The following PRSS56 variants were observed in gnomAD, a reference collection of about 807,000 sequenced individuals.
The protein encoded by PRSS56 is serine protease 56.
PRSS56 carries 55 observed loss-of-function variants against 66.8 expected under a neutral mutation model. The observed-to-expected ratio is 0.82, with a 90% CI of 0.66 to 1.03. PRSS56 has a LOEUF of 1.03. Among genes scored for constraint, PRSS56 ranks in the 50% least tolerant of loss-of-function variants. PRSS56 has a pLI of 0.00. For synonymous variants in PRSS56, 409 were observed against 387.9 expected, an observed-to-expected ratio of 1.05 and a Z score of -0.64; for missense variants, 869 against 837.2, an observed-to-expected ratio of 1.04 and a Z score of -0.47.
In PRSS56 at chr2:232,525,479, T is replaced by C. The variant is rs1333093390; in HGVS notation, c.1785T>C (p.Pro595=). The change falls in exon 13 of 13, where the codon CCT becomes CCC. Residue 595 remains proline (P), a synonymous_variant. Coordinates refer to ENST00000617714, the MANE Select transcript of PRSS56 (RefSeq NM_001195129.2). ...LERKGHHPLN[P]QVPPARQP ...GGAAGGGGCACCACCCACTCAACCC[T>C]CAGGTACCCCCCGCCAGGCAACCCT... is the stretch of plus-strand genomic sequence containing the variant. 6.6e-7 allele frequency: 1 copy of C among 1,503,802 alleles called. No individual in the cohort carries two copies. Among genetic ancestry groups the C allele is most frequent in the East Asian group, 2.5e-5 (1 of 40,054 alleles). The allele number at this position is 1,503,802 out of a possible 1,614,324, so 93.2% of individuals were successfully genotyped here. A position where few individuals can be genotyped will look rare whatever the true frequency, so the allele number is the denominator to read the frequency against.
rs978649515 is a variant in PRSS56 at position 232,525,281 on chromosome 2, G to T, written c.1587G>T (p.Leu529Phe). 13 of 1,521,784 alleles carry T rather than the reference G, an allele frequency of 8.5e-6. No individual in the cohort carries two copies. The highest frequency in any genetic ancestry group is 1.1e-5 in the Non-Finnish European group (12 of 1,138,182). 94.3% of individuals were successfully genotyped at this position (1,521,784 alleles called of 1,614,324 possible). ...GLFRAWVRAG[L>F]GGRHVAFSGL... ...TCAGAGCCTGGGTGCGGGCAGGCTTGGGGGGCCGGCATGTGGCCTTCAGCG... is the reference window on the plus strand; with the variant it reads ...TCAGAGCCTGGGTGCGGGCAGGCTTTGGGGGCCGGCATGTGGCCTTCAGCG... The change falls in exon 13 of 13, where the codon TTG becomes TTT. Residue 529 changes from leucine (L) to phenylalanine (F), a missense_variant. Transcript: ENST00000617714.
chr2:232,523,809 G>T lies in PRSS56; in HGVS notation c.1050G>T (p.Leu350=). The T allele has an allele frequency of 6.5e-7, 1 of 1,533,828 alleles. No individual in the cohort carries two copies. Among genetic ancestry groups the T allele is most frequent in the South Asian group, 1.2e-5 (1 of 83,958 alleles). The change falls in exon 9 of 13, where the codon CTG becomes CTT. Residue 350 remains leucine (L), a synonymous_variant. Coordinates refer to ENST00000617714, the MANE Select transcript of PRSS56 (RefSeq NM_001195129.2). ...SSREPSCREL[L]AWDPPQELQA... is the part of the protein sequence containing the mutation. The stretch of plus-strand genomic sequence containing the variant: ...GCGAGCCCAGCTGCAGGGAGCTTCT[G>T]GCCTGGGACCCCCCCCAGGAGCTGC...
chr2:232,522,210 C>G, intron 4 of PRSS56, 50 bp downstream of exon 4: 1 of 1,375,502 alleles, frequency 7.3e-7, no homozygotes. Flanking sequence ...GGCGCTGGGC[C>G]CCGCACCTGC....
Position 232,525,404 on chromosome 2 carries a change from G to A in PRSS56, c.1710G>A (p.Gly570=), listed in dbSNP as rs1213799321. ...TCCGCGTGGCTGCCCTGGCAGAAGG[G>A]GAGCCCGAGGGACCCTGGATGGATG... The part of the protein sequence containing the change: ...QAFRVAALAE[G]EPEGPWMDVG... Residue 570 remains glycine, a synonymous_variant, in exon 13 of 13, where the codon GGG becomes GGA. Transcript: ENST00000617714. 1 of 1,534,112 alleles carries A rather than the reference G, an allele frequency of 6.5e-7. No individual in the cohort carries two copies. Among genetic ancestry groups the A allele is most frequent in the South Asian group, 1.2e-5 (1 of 83,970 alleles).
At chr2:232,521,706 C>A in intron 2 of PRSS56, 110 bp from the exon 3 acceptor site, 1 of 1,113,786 alleles carries the variant, frequency 9.0e-7, no homozygotes, top group Non-Finnish European at 1.3e-6. Flanking sequence ...CCCGTGTGGG[C>A]TGGAGGGCTG....
At chr2:232,521,050 CT>C (rs1691265359) in intron 1 of PRSS56, among the ~76,000 whole-genome samples, 2 of 152,236 alleles carry the variant, frequency 1.3e-5, no homozygotes, top group African/African-American at 4.8e-5. Flanking sequence ...ATGTCTGTAT[CT>C]TTGGGGTGGT....
At position 232,520,527 on chromosome 2, in the gene PRSS56, G is replaced by T; in HGVS notation, c.-72G>T. 1 of 1,287,810 alleles carries T rather than the reference G, an allele frequency of 7.8e-7. No individual in the cohort carries two copies. The highest frequency in any genetic ancestry group is 1.1e-6 in the Non-Finnish European group (1 of 920,538). The allele number at this position is 1,287,810 out of a possible 1,614,324, so 79.8% of individuals were successfully genotyped here. ...AAGGCAGCAGAAGGCGGGCACCAAA[G>T]GATAGGCACCCGGAAGGTGGACTCC... is the stretch of plus-strand genomic sequence containing the variant. On this transcript the variant is annotated 5_prime_UTR_variant, in exon 1 of 13. In the 5' UTR this introduces an upstream ATG that the reference lacks. Transcript: ENST00000617714.
rs1320492760 is a variant in PRSS56 at position 232,524,191 on chromosome 2, C to A, written c.1339C>A (p.Arg447=). Residue 447 remains arginine, a synonymous_variant, in exon 10 of 13, where the codon CGG becomes AGG. Coordinates refer to ENST00000617714, the MANE Select transcript of PRSS56 (RefSeq NM_001195129.2). ...ESPLHPAREL[R]LHSGSRAAGT... ...TCCTCTGCACCCCGCCCGGGAGCTG[C>A]GGCTTCACTCAGGTACCCCGCGCCC... 4 of 1,529,984 alleles carry A rather than the reference C, an allele frequency of 2.6e-6. No homozygotes were observed. Among genetic ancestry groups the A allele is most frequent in the East Asian group, 2.5e-5 (1 of 40,582 alleles). The allele number at this position is 1,529,984 out of a possible 1,614,324, so 94.8% of individuals were successfully genotyped here.
chr2:232,522,046 C>G lies in PRSS56; in HGVS notation c.332C>G (p.Ala111Gly). 6.7e-7 allele frequency: 1 copy of G among 1,487,348 alleles called. No individual in the cohort carries two copies. The highest frequency in any genetic ancestry group is 1.3e-5 in the South Asian group (1 of 76,910). The allele number at this position is 1,487,348 out of a possible 1,614,324, so 92.1% of individuals were successfully genotyped here. A position where few individuals can be genotyped will look rare whatever the true frequency, so the allele number is the denominator to read the frequency against. The part of the protein sequence containing the change: ...AHGRIVGGSA[A>G]PPGAWPWLVR... The stretch of plus-strand genomic sequence containing the variant: ...GGCCGCATCGTGGGGGGCAGCGCGG[C>G]GCCGCCCGGGGCCTGGCCCTGGCTG... Residue 111 changes from alanine (A) to glycine (G), a missense_variant, in exon 4 of 13, where the codon GCG becomes GGG. By Grantham distance (60) the Ala-to-Gly change is moderately conservative. Transcript: ENST00000617714.
Position 232,520,418 on chromosome 2 carries a change from G to A in PRSS56, c.-181G>A. ...CCTAGGAGTTAAGGGCCAGGTGAGGGCTGACCAGGGAGGCGGGTAATTTTG... is the reference window on the plus strand; with the variant it reads ...CCTAGGAGTTAAGGGCCAGGTGAGGACTGACCAGGGAGGCGGGTAATTTTG... On this transcript the variant is annotated 5_prime_UTR_variant, in exon 1 of 13. Transcript: ENST00000617714. 1 of 645,806 alleles carries A rather than the reference G, an allele frequency of 1.5e-6. No homozygotes were observed. Among genetic ancestry groups the A allele is most frequent in the Non-Finnish European group, 2.8e-6 (1 of 354,598 alleles). 40.0% of individuals were successfully genotyped at this position (645,806 alleles called of 1,614,324 possible). A position where few individuals can be genotyped will look rare whatever the true frequency, so the allele number is the denominator to read the frequency against.
At position 232,524,324 on chromosome 2, in the gene PRSS56, A is replaced by C. The variant is rs1413622765; in HGVS notation, c.1369A>C (p.Thr457Pro). 1 of 1,535,726 alleles carries C rather than the reference A, an allele frequency of 6.5e-7. No individual in the cohort carries two copies. The highest frequency in any genetic ancestry group is 1.2e-5 in the South Asian group (1 of 84,052). ...CTCCCCAGGATCGCGGGCTGCAGGC[A>C]CTCGGTTCCCGAAGCGGAGGCCGGA... ...RLHSGSRAAG[T>P]RFPKRRPEPR... Residue 457 changes from threonine (T) to proline (P), a missense_variant, in exon 11 of 13, where the codon ACT becomes CCT. Coordinates refer to ENST00000617714, the MANE Select transcript of PRSS56 (RefSeq NM_001195129.2).
rs766546883 is a variant in PRSS56, at chr2:232,523,180, C to A, written c.827C>A (p.Ala276Glu). 1.3e-6 allele frequency: 2 copies of A among 1,481,844 alleles called. No individual in the cohort carries two copies. The highest frequency in any genetic ancestry group is 1.3e-5 in the South Asian group (1 of 76,302). 91.8% of individuals were successfully genotyped at this position (1,481,844 alleles called of 1,614,324 possible). ...ACCATGCTCTGCGCCGGGTACCTGG[C>A]GGGGGGCGTTGACTCGTGCCAGGTA... Reference protein sequence around the residue: ...PSTMLCAGYLAGGVDSCQGDS... With the variant: ...PSTMLCAGYLEGGVDSCQGDS... Residue 276 changes from alanine (A) to glutamate (E), a missense_variant, in exon 7 of 13, where the codon GCG (alanine) becomes GAG (glutamate). Coordinates refer to ENST00000617714, the MANE Select transcript of PRSS56 (RefSeq NM_001195129.2).
In PRSS56 at chr2:232,521,821, G is replaced by C. The variant is rs115590586; in HGVS notation, c.211G>C (p.Gly71Arg). The C allele has an allele frequency of 8.0e-4, 1,225 of 1,536,000 alleles. 8 individuals are homozygous for C. In the African/African-American group the frequency reaches 0.015, roughly 18 times the overall value. ...QHRSHECRGSGRPRPQALLQD... is the reference protein window; with the variant it reads ...QHRSHECRGSRRPRPQALLQD... The stretch of plus-strand genomic sequence containing the variant: ...AAAGGTCTGTTTCTCTGCAGGATCT[G>C]GGCGCCCCAGGCCTCAAGCTCTCCT... The change falls in exon 3 of 13, where the codon GGG becomes CGG. Residue 71 changes from glycine to arginine, a missense_variant. Around this residue, in one of 3 missense-constraint regions of PRSS56, gnomAD observed 315 missense variants for 313.7 expected, o/e 1.00. Transcript: ENST00000617714.
Position 232,525,520 on chromosome 2 carries a change from C to T in PRSS56, c.*14C>T, listed in dbSNP as rs1288534381. 3.4e-6 allele frequency: 5 copies of T among 1,451,350 alleles called. No individual in the cohort carries two copies. Among genetic ancestry groups the T allele is most frequent in the East Asian group, 5.1e-5 (2 of 39,032 alleles). The allele number at this position is 1,451,350 out of a possible 1,614,324, so 89.9% of individuals were successfully genotyped here. On this transcript the variant is annotated 3_prime_UTR_variant, in exon 13 of 13. Transcript: ENST00000617714. Reference sequence around the variant, plus strand: ...AGGCAACCCTGAGCCATGTCTGGGCCCCCAGCCCCTGGGGAGGACCTACTG... The same window carrying T: ...AGGCAACCCTGAGCCATGTCTGGGCTCCCAGCCCCTGGGGAGGACCTACTG...
Position 232,525,507 on chromosome 2 carries a change from G to T in PRSS56, c.*1G>T. On this transcript the variant is annotated 3_prime_UTR_variant, in exon 13 of 13. Transcript: ENST00000617714. ...GGTACCCCCCGCCAGGCAACCCTGA[G>T]CCATGTCTGGGCCCCCAGCCCCTGG... is the stretch of plus-strand genomic sequence containing the variant. 1.4e-6 allele frequency: 2 copies of T among 1,470,208 alleles called. No homozygotes were observed. Among genetic ancestry groups the T allele is most frequent in the Non-Finnish European group, 1.8e-6 (2 of 1,109,478 alleles). 91.1% of individuals were successfully genotyped at this position (1,470,208 alleles called of 1,614,324 possible).
At chr2:232,523,619 A>G in intron 8 of PRSS56, 41 bp downstream of exon 8, 3 of 1,503,884 alleles carry the variant, frequency 2.0e-6, no homozygotes, top group South Asian at 1.3e-5. Flanking sequence ...CAGTGCCCCA[A>G]CGGACAACCG....
At chr2:232,523,974 G>T (rs550551164) in intron 9 of PRSS56, 29 bp downstream of exon 9, 7 of 1,519,954 alleles carry the variant, frequency 4.6e-6, no homozygotes, top group African/African-American at 1.4e-5. Context: ...GACCCGGACG[G>T]GGGGCAGAGG....
Position 232,525,207 on chromosome 2 carries a change from C to T in PRSS56, c.1522-9C>T, listed in dbSNP as rs1401529297. 6.2e-6 allele frequency: 9 copies of T among 1,463,294 alleles called. 1 individual carries two copies. The highest frequency in any genetic ancestry group is 4.1e-5 in the South Asian group (3 of 72,946). 90.6% of individuals were successfully genotyped at this position (1,463,294 alleles called of 1,614,324 possible). ...TCTGGGCCCCTGATCCCCACTCCTCCATCTGTAGGTCCTGGCAGATCTGGG... is the reference window on the plus strand; with the variant it reads ...TCTGGGCCCCTGATCCCCACTCCTCTATCTGTAGGTCCTGGCAGATCTGGG... On this transcript the variant is annotated splice_polypyrimidine_tract_variant and intron_variant, in intron 12 of 12. Transcript: ENST00000617714.
Position 232,524,827 on chromosome 2 carries a change from G to A in PRSS56, c.1504G>A (p.Ala502Thr), listed in dbSNP as rs925616470. 8.5e-6 allele frequency: 13 copies of A among 1,535,302 alleles called. No homozygotes were observed. The Admixed American group carries it at 1.2e-4, about 14-fold the overall frequency. The change falls in exon 12 of 13, where the codon GCC (alanine) becomes ACC (threonine). Residue 502 changes from alanine to threonine, a missense_variant. Transcript: ENST00000617714. The part of the protein sequence containing the change: ...WILQVPSEHL[A>T]MNFHEVLADL... ...CCTGCAGGTCCCCTCGGAGCACCTGGCCATGAACTTTCATGAGGTAGGTCC... is the reference window on the plus strand; with the variant it reads ...CCTGCAGGTCCCCTCGGAGCACCTGACCATGAACTTTCATGAGGTAGGTCC...
Sources: gnomAD v4.1 joint callset for allele counts (sites outside exome capture counted in the v4.1 genomes callset) on GRCh38, gnomAD v4.1.1 for gene constraint, gnomAD v4.1.1 regional missense constraint, MANE v1.5 for transcripts, NCBI Gene and HGNC (gene_info 2026-07-23, HGNC 2026-07-21) for gene names.